The following BDKRB2 variants were observed in gnomAD, a reference collection of about 807,000 sequenced individuals.
The protein encoded by BDKRB2 is bradykinin receptor B2, also known as B2 bradykinin receptor.
In BDKRB2, 6 loss-of-function variants were observed where a neutral mutation model predicts 4.0. That is an observed-to-expected ratio of 1.49 (90% CI 0.81 to 2.93). The LOEUF is 2.93. Ranked by LOEUF, BDKRB2 falls within the 30% of genes most tolerant of loss-of-function variation. The pLI is 0.00. For missense variants in BDKRB2, 478 were observed against 520.1 expected, an observed-to-expected ratio of 0.92 and a Z score of 0.79; for synonymous variants, 225 against 215.3, an observed-to-expected ratio of 1.05 and a Z score of -0.40.
intron 2 of BDKRB2, 55 bp downstream of exon 2, chr14:96,237,236 G>A (rs887023898): frequency 1.3e-6 from 2 of 1,493,258 alleles, no homozygotes; most frequent in Middle Eastern, 1.8e-4. Context: ...CAGACACCCT[G>A]GAGAACTCCC....
chr14:96,218,321 T>A (rs1167023562), intron 1 of BDKRB2, among the ~76,000 whole-genome samples: 3 of 152,140 alleles, frequency 2.0e-5, no homozygotes, highest in Admixed American at 2.0e-4. Flanking sequence ...ATGTCTGTGG[T>A]CCTTGATGGT....
At chr14:96,222,271 T>C (rs8013400) in intron 1 of BDKRB2, among the ~76,000 whole-genome samples, 112,417 of 151,992 alleles carry the variant, frequency 0.74, 42,301 homozygotes, top group Non-Finnish European at 0.82. Flanking sequence ...AGCTCAGCAC[T>C]TCCCTGCGTT....
chr14:96,238,467 C>A lies in BDKRB2; in HGVS notation c.74+1286C>A, dbSNP rs74688556. On this transcript the variant is annotated intron_variant, in intron 2 of 2. Transcript: ENST00000554311. ...TAATTCGGGGGGCATATGAAAGCCA[C>A]CACACACCACAGGGATCTTTTTAGA... 3.4e-4 allele frequency: 336 copies of A among 985,642 alleles called. No individual in the cohort carries two copies. In the African/African-American group the frequency reaches 5.5e-3, roughly 16 times the overall value. The allele number at this position is 985,642 out of a possible 1,614,324, so 61.1% of individuals were successfully genotyped here.
chr14:96,230,955 T>C (rs1213683388), intron 1 of BDKRB2, among the ~76,000 whole-genome samples: 3 of 149,938 alleles, frequency 2.0e-5, no homozygotes, highest in African/African-American at 7.5e-5. Flanking sequence ...AAGAGAGAGA[T>C]GTTATTTTTT....
chr14:96,234,623 C>T (rs1223936365), intron 1 of BDKRB2, among the ~76,000 whole-genome samples: 1 of 152,226 alleles, frequency 6.6e-6, no homozygotes, highest in African/African-American at 2.4e-5. Flanking sequence ...ACTTCAGACT[C>T]CCAAATTCTC....
chr14:96,223,900 C>T (rs1363169421), intron 1 of BDKRB2, among the ~76,000 whole-genome samples: 1 of 151,746 alleles, frequency 6.6e-6, no homozygotes, highest in East Asian at 1.9e-4. Flanking sequence ...TGTGTAAAGT[C>T]ATTTGCATTC....
intron 2 of BDKRB2, chr14:96,239,326 A>C: frequency 1.0e-6 from 1 of 981,164 alleles, no homozygotes; most frequent in Non-Finnish European, 1.2e-6. Context: ...ACTCCAAAGA[A>C]GGCAAAATAG....
At chr14:96,224,673 A>G (rs1016503158) in intron 1 of BDKRB2, among the ~76,000 whole-genome samples, 1 of 152,206 alleles carries the variant, frequency 6.6e-6, no homozygotes, top group Non-Finnish European at 1.5e-5. Context: ...CCTCGGGCTC[A>G]GGGCTCAACA....
At chr14:96,223,327 C>T (rs539154068) in intron 1 of BDKRB2, 5 of 1,039,556 alleles carry the variant, frequency 4.8e-6, no homozygotes, top group African/African-American at 3.1e-5. Context: ...GCGCCCACCA[C>T]CCAAGAAGCC....
rs1274903388 is a variant in BDKRB2, at chr14:96,243,960, C to T, written c.*2456C>T. ...TCTGCCGCAATGGCCATGTGGGGATCCACACCTGGTCTGAGGGGCAACTGA... is the reference window on the plus strand; with the variant it reads ...TCTGCCGCAATGGCCATGTGGGGATTCACACCTGGTCTGAGGGGCAACTGA... On this transcript the variant is annotated 3_prime_UTR_variant, in exon 3 of 3. Transcript: ENST00000554311. The T allele has an allele frequency of 1.0e-5, 4 of 382,432 alleles. No individual in the cohort carries two copies. Among genetic ancestry groups the T allele is most frequent in the African/African-American group, 8.3e-5 (4 of 48,340 alleles). 23.7% of individuals were successfully genotyped at this position (382,432 alleles called of 1,614,324 possible).
At chr14:96,223,707 G>A (rs373948368) in intron 1 of BDKRB2, among the ~76,000 whole-genome samples, 3 of 152,006 alleles carry the variant, frequency 2.0e-5, no homozygotes, top group Non-Finnish European at 4.4e-5. Context: ...GCCTGGTGTT[G>A]TATGTAAGGT....
intron 1 of BDKRB2, among the ~76,000 whole-genome samples, chr14:96,207,572 T>C (rs540597834): frequency 2.0e-5 from 3 of 152,276 alleles, no homozygotes; most frequent in East Asian, 3.9e-4. Flanking sequence ...AGAATGTCCA[T>C]CACCAAGAGT....
chr14:96,212,356 T>C (rs1024772589), intron 1 of BDKRB2, among the ~76,000 whole-genome samples: 2 of 152,078 alleles, frequency 1.3e-5, no homozygotes, highest in Non-Finnish European at 2.9e-5. Context: ...AGTCAGGGGA[T>C]GAGTCATGCC....
intron 1 of BDKRB2, among the ~76,000 whole-genome samples, chr14:96,228,066 C>T (rs1595257867): frequency 6.7e-6 from 1 of 148,256 alleles, no homozygotes; most frequent in African/African-American, 2.4e-5. Flanking sequence ...CTGCTCAATC[C>T]CTCACTATTC....
intron 2 of BDKRB2, 53 bp from the exon 3 acceptor site, chr14:96,240,350 G>T: frequency 7.1e-7 from 1 of 1,408,360 alleles, no homozygotes; most frequent in Non-Finnish European, 9.3e-7. Flanking sequence ...ACCAGTTTTT[G>T]TCCTTCCCTT....
intron 1 of BDKRB2, among the ~76,000 whole-genome samples, chr14:96,231,825 A>T (rs1451311829): frequency 6.6e-6 from 1 of 152,262 alleles, no homozygotes; most frequent in African/African-American, 2.4e-5. Context: ...ATGGTGGGAC[A>T]GATGCACATG....
At chr14:96,229,324 G>A (rs1183551480) in intron 1 of BDKRB2, among the ~76,000 whole-genome samples, 2 of 152,222 alleles carry the variant, frequency 1.3e-5, no homozygotes, top group Non-Finnish European at 1.5e-5. Context: ...ATTAAGAGAT[G>A]TATTGCAAGG....
intron 1 of BDKRB2, among the ~76,000 whole-genome samples, chr14:96,212,324 TA>T (rs1195058567): frequency 3.3e-4 from 50 of 152,238 alleles, no homozygotes; most frequent in African/African-American, 1.2e-3. Context: ...TTACCAAACT[TA>T]TGGGATGCAG....
At chr14:96,238,536 G>A in intron 2 of BDKRB2, 1 of 985,598 alleles carries the variant, frequency 1.0e-6, no homozygotes, top group Non-Finnish European at 1.2e-6. Context: ...AGACTCAGGG[G>A]CAAAGCCTCA....
Sources: gnomAD v4.1 joint callset for allele counts (sites outside exome capture counted in the v4.1 genomes callset) on GRCh38, gnomAD v4.1.1 for gene constraint, MANE v1.5 for transcripts, NCBI Gene and HGNC (gene_info 2026-07-23, HGNC 2026-07-21) for gene names.